The following RAB10 variants were observed in gnomAD, a reference collection of about 807,000 sequenced individuals.
RAB10 encodes RAB10, member RAS oncogene family, also known as ras-related protein Rab-10.
In RAB10, 5 loss-of-function variants were observed where a neutral mutation model predicts 25.7. That is an observed-to-expected ratio of 0.19 (90% CI 0.10 to 0.41). The LOEUF is 0.41. Among genes scored for constraint, RAB10 ranks in the 10% least tolerant of loss-of-function variants. The probability of loss-of-function intolerance (pLI) is 1.00; values close to 1 mark genes in which losing one functional copy is unlikely to be tolerated. For synonymous variants in RAB10, 89 were observed against 86.4 expected, an observed-to-expected ratio of 1.03 and a Z score of -0.16; for missense variants, 103 against 245.8, an observed-to-expected ratio of 0.42 and a Z score of 3.89.
intron 5 of RAB10, among the ~76,000 whole-genome samples, chr2:26,132,047 G>A (rs1668022371): frequency 6.6e-6 from 1 of 152,136 alleles, no homozygotes; most frequent in African/African-American, 2.4e-5. Context: ...GTACATGTAT[G>A]TACATTTGCA....
At chr2:26,097,925 A>G (rs1466852436) in intron 1 of RAB10, among the ~76,000 whole-genome samples, 1 of 152,180 alleles carries the variant, frequency 6.6e-6, no homozygotes, top group Non-Finnish European at 1.5e-5. Context: ...CTTTATCATT[A>G]TGAAATGACC....
At position 26,134,955 on chromosome 2, in the gene RAB10, C is replaced by T. The variant is rs750335402; in HGVS notation, c.537C>T (p.Pro179=). 9.4e-5 allele frequency: 152 copies of T among 1,613,306 alleles called. 1 individual carries two copies. In the South Asian group the frequency reaches 1.6e-3, roughly 17 times the overall value. ...DILRKTPVKE[P]NSENVDISSG... is the part of the protein sequence containing the mutation. ...TGTTGCAGACCCCTGTAAAAGAGCCCAACAGTGAAAATGTAGATATCAGCA... is the reference window on the plus strand; with the variant it reads ...TGTTGCAGACCCCTGTAAAAGAGCCTAACAGTGAAAATGTAGATATCAGCA... The change falls in exon 6 of 6, where the codon CCC becomes CCT. Residue 179 remains proline (P), a synonymous_variant. Coordinates refer to ENST00000264710, the MANE Select transcript of RAB10 (RefSeq NM_016131.5).
upstream of RAB10, among the ~76,000 whole-genome samples, chr2:26,033,872 AC>A (rs932854794): frequency 6.6e-6 from 1 of 152,068 alleles, no homozygotes; most frequent in African/African-American, 2.4e-5. Flanking sequence ...AACGCCGCGC[AC>A]CCTATCAGGC....
At chr2:26,118,307 A>C (rs1667734971) in intron 3 of RAB10, among the ~76,000 whole-genome samples, 1 of 151,102 alleles carries the variant, frequency 6.6e-6, no homozygotes, top group South Asian at 2.1e-4. Flanking sequence ...TTACAAAGTA[A>C]CGTCCCCTCC....
chr2:26,078,609 A>C (rs1383917264), intron 1 of RAB10, among the ~76,000 whole-genome samples: 6 of 152,226 alleles, frequency 3.9e-5, no homozygotes, highest in Non-Finnish European at 8.8e-5. Context: ...GTCTAGGAAA[A>C]GAGGGGAGGG....
At chr2:26,035,341 A>G (rs965954036) in intron 1 of RAB10, among the ~76,000 whole-genome samples, 1 of 152,224 alleles carries the variant, frequency 6.6e-6, no homozygotes, top group African/African-American at 2.4e-5. Context: ...CATCAACAGA[A>G]GCAGTAATCT....
intron 1 of RAB10, among the ~76,000 whole-genome samples, chr2:26,061,592 G>A (rs1272109612): frequency 1.3e-5 from 2 of 151,674 alleles, no homozygotes; most frequent in Non-Finnish European, 2.9e-5. Flanking sequence ...GGTCTTGTTA[G>A]GTTTCCCAGG....
intron 1 of RAB10, among the ~76,000 whole-genome samples, chr2:26,047,371 T>G (rs1666035056): frequency 9.1e-6 from 1 of 110,260 alleles, no homozygotes; most frequent in Non-Finnish European, 1.7e-5. Context: ...CATAATTCCC[T>G]GGAGATTAAT....
intron 1 of RAB10, among the ~76,000 whole-genome samples, chr2:26,064,980 C>G (rs1359550346): frequency 6.6e-6 from 1 of 152,208 alleles, no homozygotes; most frequent in Non-Finnish European, 1.5e-5. Flanking sequence ...ATCTCTTCAG[C>G]CCAGGAGTTA....
At chr2:26,045,235 C>G (rs1167041411) in intron 1 of RAB10, among the ~76,000 whole-genome samples, 1 of 86,088 alleles carries the variant, frequency 1.2e-5, no homozygotes, top group East Asian at 4.5e-4. Context: ...CAATCTCTTT[C>G]AACTTTTTTT....
chr2:26,063,384 CATT>C (rs762045618), intron 1 of RAB10, among the ~76,000 whole-genome samples: 2 of 151,946 alleles, frequency 1.3e-5, no homozygotes, highest in Non-Finnish European at 2.9e-5. Context: ...TAGATTTTCT[CATT>C]ATTACCATTT....
intron 3 of RAB10, among the ~76,000 whole-genome samples, chr2:26,114,938 A>G (rs1210673550): frequency 6.6e-6 from 1 of 152,060 alleles, no homozygotes; most frequent in Non-Finnish European, 1.5e-5. Flanking sequence ...TCATGGACCT[A>G]CATGTAAGAT....
At chr2:26,058,834 TC>T (rs1666325936) in intron 1 of RAB10, among the ~76,000 whole-genome samples, 1 of 152,116 alleles carries the variant, frequency 6.6e-6, no homozygotes, top group Non-Finnish European at 1.5e-5. Flanking sequence ...TAGCAACAGC[TC>T]CCCTCTTCCA....
chr2:26,060,652 A>T (rs1666375052), intron 1 of RAB10, among the ~76,000 whole-genome samples: 1 of 152,202 alleles, frequency 6.6e-6, no homozygotes, highest in South Asian at 2.1e-4. Context: ...AAAATTTTGG[A>T]TTAGAAACAT....
rs1223680573 is a variant in RAB10 at position 26,109,857 on chromosome 2, A to G, written c.278A>G (p.Asn93Ser). Residue 93 changes from asparagine to serine, a missense_variant, in exon 3 of 6, where the codon AAT becomes AGT. Transcript: ENST00000264710. Reference protein sequence around the residue: ...MGIMLVYDITNGKSFENISKW... With the variant: ...MGIMLVYDITSGKSFENISKW... ...ATCATGCTAGTATATGACATCACCA[A>G]TGGTAAAAGTTTTGAAAACATCAGC... 1.2e-6 allele frequency: 2 copies of G among 1,610,732 alleles called. No homozygotes were observed. The highest frequency in any genetic ancestry group is 1.7e-6 in the Non-Finnish European group (2 of 1,178,626).
At chr2:26,035,382 C>A (rs1218865826) in intron 1 of RAB10, among the ~76,000 whole-genome samples, 1 of 152,082 alleles carries the variant, frequency 6.6e-6, no homozygotes, top group Non-Finnish European at 1.5e-5. Flanking sequence ...GTCCTCAAAC[C>A]CAACGGAGTG....
chr2:26,129,184 C>A (rs143817739), intron 5 of RAB10, among the ~76,000 whole-genome samples: 1 of 151,164 alleles, frequency 6.6e-6, no homozygotes, highest in African/African-American at 2.4e-5. Flanking sequence ...GCAGAAGAAT[C>A]CCTTGAACCA....
At chr2:26,118,348 G>T (rs1667735768) in intron 3 of RAB10, among the ~76,000 whole-genome samples, 1 of 149,074 alleles carries the variant, frequency 6.7e-6, no homozygotes, top group African/African-American at 2.5e-5. Flanking sequence ...GGGTTTCACT[G>T]TTTCCCAGGC....
chr2:26,114,840 T>G (rs1297799311), intron 3 of RAB10, among the ~76,000 whole-genome samples: 1 of 151,572 alleles, frequency 6.6e-6, no homozygotes, highest in Non-Finnish European at 1.5e-5. Context: ...AGGTCGAGGC[T>G]GCAGTGAACC....
Sources: gnomAD v4.1 joint callset for allele counts (sites outside exome capture counted in the v4.1 genomes callset) on GRCh38, gnomAD v4.1.1 for gene constraint, MANE v1.5 for transcripts, NCBI Gene and HGNC (gene_info 2026-07-23, HGNC 2026-07-21) for gene names.